The following RAVER2 variants were observed in gnomAD, a reference collection of about 807,000 sequenced individuals.
RAVER2 encodes the protein ribonucleoprotein PTB-binding 2.
A neutral mutation model predicts 78.1 loss-of-function variants in RAVER2; 46 were observed. The observed-to-expected ratio is 0.59, with a 90% confidence interval of 0.46 to 0.75. The LOEUF is 0.75. Ranked by LOEUF, RAVER2 falls within the 30% of genes least tolerant of loss-of-function variation. The pLI, the probability that RAVER2 is intolerant of heterozygous loss-of-function variation, is 0.00. For missense variants in RAVER2, 793 were observed against 837.5 expected (o/e 0.95, Z 0.66); for synonymous variants, 311 against 313.3 (o/e 0.99, Z 0.08).
intron 1 of RAVER2, among the ~76,000 whole-genome samples, chr1:64,747,530 G>A (rs1385235156): frequency 7.6e-6 from 1 of 132,186 alleles, no homozygotes; most frequent in Non-Finnish European, 1.6e-5. Flanking sequence ...TTTTTTTTCT[G>A]AGACAGAGTC....
At chr1:64,816,519 A>C (rs1307171124) in intron 11 of RAVER2, 1 of 152,272 alleles carries the variant, frequency 6.6e-6, no homozygotes, top group Non-Finnish European at 1.5e-5. Flanking sequence ...TAACCATTAT[A>C]GAAAAAGGTG....
Position 64,752,963 on chromosome 1 carries a change from C to G in RAVER2, c.249+7542C>G, listed in dbSNP as rs1427244164. Among the ~76,000 whole-genome samples the G allele has an allele frequency of 2.6e-5, 4 of 152,266 alleles. No individual in the cohort carries two copies. The Middle Eastern group carries it at 0.01, about 388-fold the overall frequency. ...AATGTAGAGAAGCTGAGCTGGAGCC[C>G]TGATCGAACTATATCTGAAGCTTAA... is the stretch of plus-strand genomic sequence containing the variant. On this transcript the variant is annotated intron_variant, in intron 1 of 11. Transcript: ENST00000294428.
intron 4 of RAVER2, among the ~76,000 whole-genome samples, chr1:64,786,099 T>C (rs1652772823): frequency 6.6e-6 from 1 of 152,228 alleles, no homozygotes; most frequent in Non-Finnish European, 1.5e-5. Flanking sequence ...TATTAATTCA[T>C]TGTCTTCTTG....
At chr1:64,831,053 C>T (rs1654116010) in exon 12 of RAVER2, 4 of 1,483,008 alleles carry the variant, frequency 2.7e-6, no homozygotes, top group Non-Finnish European at 3.7e-6. Context: ...GCTGCCTTAA[C>T]TTCATTCAAA....
intron 2 of RAVER2, among the ~76,000 whole-genome samples, chr1:64,775,362 CTT>C (rs902299376): frequency 4.6e-5 from 7 of 152,174 alleles, no homozygotes; most frequent in Non-Finnish European, 5.9e-5. Context: ...ATTTGTAACT[CTT>C]TGTTAAATGT....
At chr1:64,772,971 T>C (rs975082514) in intron 2 of RAVER2, among the ~76,000 whole-genome samples, 2 of 151,942 alleles carry the variant, frequency 1.3e-5, no homozygotes, top group African/African-American at 4.8e-5. Flanking sequence ...TTTTTAGAGA[T>C]CACTTTATTG....
At chr1:64,815,551 A>G (rs1230213390) in intron 11 of RAVER2, 1 of 152,176 alleles carries the variant, frequency 6.6e-6, no homozygotes, top group Non-Finnish European at 1.5e-5. Context: ...ATAAGAGTCC[A>G]CAAGAGTCTT....
At chr1:64,802,078 G>A (rs1017100046) in intron 5 of RAVER2, among the ~76,000 whole-genome samples, 2 of 152,168 alleles carry the variant, frequency 1.3e-5, no homozygotes, top group East Asian at 1.9e-4. Context: ...ACTTTCACAC[G>A]TTGCCGTGGC....
intron 5 of RAVER2, among the ~76,000 whole-genome samples, chr1:64,799,995 A>T (rs1052780900): frequency 6.6e-6 from 1 of 152,070 alleles, no homozygotes; most frequent in African/African-American, 2.4e-5. Context: ...GTTTTGACTT[A>T]CATTTCCCTG....
chr1:64,800,224 A>G (rs573255222), intron 5 of RAVER2, among the ~76,000 whole-genome samples: 48 of 151,534 alleles, frequency 3.2e-4, no homozygotes, highest in Admixed American at 1.2e-3. Context: ...ATTTTCTCCC[A>G]TTCTACAAGT....
exon 9 of RAVER2, chr1:64,807,284 C>A: frequency 6.2e-7 from 1 of 1,614,158 alleles, no homozygotes. Flanking sequence ...CAGCACATTG[C>A]TGGACAGGCT....
intron 5 of RAVER2, among the ~76,000 whole-genome samples, chr1:64,794,941 A>G (rs1653055128): frequency 2.0e-5 from 3 of 152,116 alleles, no homozygotes; most frequent in Admixed American, 2.0e-4. Flanking sequence ...AAAGTTTTAT[A>G]ATTTTTATCC....
chr1:64,792,362 A>G (rs1324717427), intron 5 of RAVER2, among the ~76,000 whole-genome samples: 3 of 152,156 alleles, frequency 2.0e-5, no homozygotes, highest in African/African-American at 2.4e-5. Flanking sequence ...TTTCCTTCCT[A>G]TTATCATTAT....
chr1:64,785,479 C>T (rs1177053511), intron 4 of RAVER2, among the ~76,000 whole-genome samples: 2 of 151,606 alleles, frequency 1.3e-5, no homozygotes, highest in African/African-American at 2.4e-5. Context: ...AAGCGACTCT[C>T]GTGCCTCAGC....
chr1:64,789,258 T>C, intron 4 of RAVER2, 130 bp from the exon 5 acceptor site: 3 of 768,216 alleles, frequency 3.9e-6, no homozygotes, highest in African/African-American at 1.8e-5. Flanking sequence ...AGATATATAA[T>C]ATAAATCAAA....
Position 64,824,096 on chromosome 1 carries a change from C to T in RAVER2, c.1930-6743C>T, listed in dbSNP as rs545698603. Among the ~76,000 whole-genome samples, 25 of 152,258 alleles carry T rather than the reference C, an allele frequency of 1.6e-4. No individual in the cohort carries two copies. In the East Asian group the frequency reaches 3.3e-3, roughly 20 times the overall value. ...TGCTAGGATTATAGGCATGTGCCACCGCGCCCGGCCTGATTTTTGTTTTTC... is the reference window on the plus strand; with the variant it reads ...TGCTAGGATTATAGGCATGTGCCACTGCGCCCGGCCTGATTTTTGTTTTTC... On this transcript the variant is annotated intron_variant, in intron 11 of 11. Coordinates refer to ENST00000294428, the Ensembl canonical transcript of RAVER2.
intron 9 of RAVER2, among the ~76,000 whole-genome samples, chr1:64,810,702 T>C (rs898144577): frequency 6.6e-6 from 1 of 152,234 alleles, no homozygotes; most frequent in African/African-American, 2.4e-5. Flanking sequence ...TTGTGTGTGC[T>C]TACTGGTCAT....
chr1:64,773,664 A>T (rs1033486881), intron 2 of RAVER2, among the ~76,000 whole-genome samples: 2 of 152,250 alleles, frequency 1.3e-5, no homozygotes, highest in African/African-American at 4.8e-5. Context: ...TCTTTATAGT[A>T]GAATGATTTA....
In RAVER2 at chr1:64,745,883, C is replaced by T. The variant is rs538637685; in HGVS notation, c.249+462C>T. On this transcript the variant is annotated intron_variant, in intron 1 of 11. Coordinates refer to ENST00000294428, the Ensembl canonical transcript of RAVER2. This position sits in a 1 kb window ranked among gnomAD's most constrained non-coding sequence, Gnocchi z 4.3. ...GGGAGTGCCATAGGGGGCAGGGGCACGAGAGAGCTGGGAGTGAGTTTCGCT... is the reference window on the plus strand; with the variant it reads ...GGGAGTGCCATAGGGGGCAGGGGCATGAGAGAGCTGGGAGTGAGTTTCGCT... 4.2e-4 allele frequency among the ~76,000 whole-genome samples: 64 copies of T among 152,248 alleles called. No individual in the cohort carries two copies. In the South Asian group the frequency reaches 0.013, roughly 31 times the overall value.
Sources: allele counts gnomAD v4.1 joint callset (sites outside exome capture counted in the v4.1 genomes callset), GRCh38; gene constraint gnomAD v4.1.1; non-coding constraint Gnocchi (gnomAD v3.1); transcripts MANE v1.5; gene names NCBI Gene and HGNC (gene_info 2026-07-23, HGNC 2026-07-21).